The following POLD3 variants were observed in gnomAD, a reference collection of about 807,000 sequenced individuals.
The protein encoded by POLD3 is DNA polymerase delta subunit 3.
A neutral mutation model predicts 58.2 loss-of-function variants in POLD3; 19 were observed. The observed-to-expected ratio is 0.33, with a 90% CI of 0.23 to 0.48. The LOEUF is 0.48. Ranked by LOEUF, POLD3 falls within the 20% of genes least tolerant of loss-of-function variation. The probability of loss-of-function intolerance (pLI) is 0.99; values close to 1 mark genes in which losing one functional copy is unlikely to be tolerated. For missense variants in POLD3, 504 were observed against 545.5 expected (o/e 0.92, Z 0.76); for synonymous variants, 172 against 193.5 (o/e 0.89, Z 0.92).
At chr11:74,601,405 G>A (rs575854010) in intron 2 of POLD3, among the ~76,000 whole-genome samples, 180 of 152,222 alleles carry the variant, frequency 1.2e-3, no homozygotes, top group Non-Finnish European at 1.9e-3. Flanking sequence ...TAGAGGGGAT[G>A]CGTCATATGT....
In POLD3 at chr11:74,641,979, C is replaced by G. The variant is rs1456841761; in HGVS notation, c.*1213C>G. On this transcript the variant is annotated 3_prime_UTR_variant, in exon 12 of 12. Transcript: ENST00000263681. The stretch of plus-strand genomic sequence containing the variant: ...ATTATGGCTGGACAGGCGGTGAGCT[C>G]AGTGGATTGCAGTGGTGTGCTGGTG... 1 of 985,278 alleles carries G rather than the reference C, an allele frequency of 1.0e-6. No individual in the cohort carries two copies. The highest frequency in any genetic ancestry group is 1.7e-5 in the African/African-American group (1 of 57,200). 61.0% of individuals were successfully genotyped at this position (985,278 alleles called of 1,614,324 possible). A position where few individuals can be genotyped will look rare whatever the true frequency, so the allele number is the denominator to read the frequency against.
downstream of POLD3, among the ~76,000 whole-genome samples, chr11:74,643,219 T>C (rs1033160654): frequency 6.6e-6 from 1 of 152,230 alleles, no homozygotes; most frequent in Non-Finnish European, 1.5e-5. Flanking sequence ...ACCCAGGTGG[T>C]ATATTCTTCA....
At position 74,620,007 on chromosome 11, in the gene POLD3, G is replaced by C; in HGVS notation, c.661-10G>C. The stretch of plus-strand genomic sequence containing the variant: ...CAGCAAAAAATCATATGTGTTTTCT[G>C]TGCTTGTAGGCATCTGCAGCAGGCA... On this transcript the variant is annotated splice_polypyrimidine_tract_variant and intron_variant, in intron 6 of 11. Transcript: ENST00000263681. 6.2e-7 allele frequency: 1 copy of C among 1,611,868 alleles called. No homozygotes were observed. The highest frequency in any genetic ancestry group is 8.5e-7 in the Non-Finnish European group (1 of 1,177,948).
intron 4 of POLD3, among the ~76,000 whole-genome samples, chr11:74,664,762 C>G (rs144331387): frequency 6.6e-6 from 1 of 152,216 alleles, no homozygotes; most frequent in East Asian, 1.9e-4. Context: ...TATAATAAAC[C>G]TTATCAATAG....
intron 7 of POLD3, 45 bp from the exon 8 acceptor site, chr11:74,625,363 A>G (rs2032393290): frequency 1.4e-6 from 2 of 1,465,912 alleles, no homozygotes; most frequent in Admixed American, 2.0e-5. Flanking sequence ...ATGTATTAAT[A>G]TTGCATGATG....
intron 3 of POLD3, among the ~76,000 whole-genome samples, chr11:74,608,065 G>A (rs1207298598): frequency 1.3e-5 from 2 of 152,132 alleles, no homozygotes; most frequent in Non-Finnish European, 2.9e-5. Context: ...TTTGTAATGT[G>A]AAGAACTGTC....
At position 74,642,198 on chromosome 11, in the gene POLD3, A is replaced by C. The variant is rs1361579016; in HGVS notation, c.*1432A>C. On this transcript the variant is annotated 3_prime_UTR_variant, in exon 12 of 12. Transcript: ENST00000263681. ...ATTAACATGAGCTTCTTTAGCAACC[A>C]AGCATGAACTTGATTAAGACCAGAA... 1.0e-6 allele frequency: 1 copy of C among 985,364 alleles called. No individual in the cohort carries two copies. Among genetic ancestry groups the C allele is most frequent in the African/African-American group, 1.7e-5 (1 of 57,248 alleles). 61.0% of individuals were successfully genotyped at this position (985,364 alleles called of 1,614,324 possible).
chr11:74,631,761 C>T lies in POLD3; in HGVS notation c.1006+2438C>T, dbSNP rs543989197. Reference sequence around the variant, plus strand: ...CCTCTCAAAGTGCTGGAATTACAGGCGTGAGCCACTGCGCCCGTCCTGTTT... The same window carrying T: ...CCTCTCAAAGTGCTGGAATTACAGGTGTGAGCCACTGCGCCCGTCCTGTTT... On this transcript the variant is annotated intron_variant, in intron 9 of 11. Transcript: ENST00000263681. Among the ~76,000 whole-genome samples, 9 of 152,198 alleles carry T rather than the reference C, an allele frequency of 5.9e-5. No individual in the cohort carries two copies. The South Asian group carries it at 6.2e-4, about 11-fold the overall frequency.
intron 10 of POLD3, among the ~76,000 whole-genome samples, chr11:74,635,603 C>G (rs2032725673): frequency 6.6e-6 from 1 of 152,122 alleles, no homozygotes; most frequent in Non-Finnish European, 1.5e-5. Flanking sequence ...TCATTTGAGC[C>G]CAGGAGTTGG....
chr11:74,642,547 G>A lies in POLD3; in HGVS notation c.*1781G>A, dbSNP rs2032940582. ...TTTGAATTGGAAAATTCTGGTGTTGGTTGGAGTTCCATCTTGCAAGGGATA... is the reference window on the plus strand; with the variant it reads ...TTTGAATTGGAAAATTCTGGTGTTGATTGGAGTTCCATCTTGCAAGGGATA... On this transcript the variant is annotated 3_prime_UTR_variant, in exon 12 of 12. Coordinates refer to ENST00000263681, the MANE Select transcript of POLD3 (RefSeq NM_006591.3). The A allele has an allele frequency of 1.0e-6, 1 of 985,136 alleles. No homozygotes were observed. Among genetic ancestry groups the A allele is most frequent in the African/African-American group, 1.7e-5 (1 of 57,216 alleles). The allele number at this position is 985,136 out of a possible 1,614,324, so 61.0% of individuals were successfully genotyped here.
intron 2 of POLD3, among the ~76,000 whole-genome samples, chr11:74,594,352 T>C (rs930294308): frequency 1.3e-5 from 2 of 152,244 alleles, no homozygotes; most frequent in African/African-American, 4.8e-5. Context: ...CCAGTCATAC[T>C]GAATTACGAA....
At chr11:74,599,396 C>T (rs1024475399) in intron 2 of POLD3, among the ~76,000 whole-genome samples, 3 of 144,724 alleles carry the variant, frequency 2.1e-5, no homozygotes, top group African/African-American at 7.7e-5. Flanking sequence ...GACGGAGTCT[C>T]GCTCTGTTGC....
chr11:74,643,076 AGTCAAGTGTAT>A (rs2032955874), downstream of POLD3: 1 of 282,500 alleles, frequency 3.5e-6, no homozygotes, highest in Non-Finnish European at 5.3e-6. Flanking sequence ...TCAAGACTAA[AGTCAAGTGTAT>A]GTAGCATGAA....
At chr11:74,658,276 C>T (rs2033161796) in intron 4 of POLD3, among the ~76,000 whole-genome samples, 1 of 152,114 alleles carries the variant, frequency 6.6e-6, no homozygotes, top group Admixed American at 6.5e-5. Flanking sequence ...AAAAATAGCA[C>T]AGGAAAGACT....
chr11:74,605,055 CT>C (rs2031630209), intron 3 of POLD3, among the ~76,000 whole-genome samples: 2 of 152,170 alleles, frequency 1.3e-5, no homozygotes, highest in Non-Finnish European at 2.9e-5. Context: ...CCCTATATCT[CT>C]TTTTTTCCTC....
Position 74,618,697 on chromosome 11 carries a change from G to A in POLD3, c.553G>A (p.Val185Ile), listed in dbSNP as rs779963582. 7 of 1,614,166 alleles carry A rather than the reference G, an allele frequency of 4.3e-6. No homozygotes were observed. Among genetic ancestry groups the A allele is most frequent in the South Asian group, 1.1e-5 (1 of 91,086 alleles). ...TCATGGCCCACCTGCATCCAAGCAGGTTTCCCAGCAGCCCAAAGGAATTAT... is the reference window on the plus strand; with the variant it reads ...TCATGGCCCACCTGCATCCAAGCAGATTTCCCAGCAGCCCAAAGGAATTAT... ...NGHGPPASKQ[V>I]SQQPKGIMGM... Residue 185 changes from valine to isoleucine, a missense_variant, in exon 6 of 12, where the codon GTT becomes ATT. By Grantham distance (29) the Val-to-Ile change is conservative. This residue lies in a region of POLD3 where 385 missense variants were observed against 370.5 expected (regional missense o/e 1.04). Transcript: ENST00000263681.
At position 74,642,981 on chromosome 11, in the gene POLD3, T is replaced by C; in HGVS notation, c.*2215T>C. The C allele has an allele frequency of 3.1e-6, 3 of 970,690 alleles. No individual in the cohort carries two copies. Among genetic ancestry groups the C allele is most frequent in the Non-Finnish European group, 3.7e-6 (3 of 816,506 alleles). 60.1% of individuals were successfully genotyped at this position (970,690 alleles called of 1,614,324 possible). ...AGCACATTGTATTAGTTTGGCTTCA[T>C]CACTTGCTAGCTGTATGACTGTGGG... On this transcript the variant is annotated 3_prime_UTR_variant, in exon 12 of 12. Transcript: ENST00000263681.
chr11:74,665,954 G>T (rs1221902772), intron 4 of POLD3, among the ~76,000 whole-genome samples: 1 of 152,170 alleles, frequency 6.6e-6, no homozygotes, highest in Non-Finnish European at 1.5e-5. Flanking sequence ...AAAGGAAGAA[G>T]TACAACTATT....
Position 74,604,698 on chromosome 11 carries a change from G to A in POLD3, c.123G>A (p.Leu41=). The A allele has an allele frequency of 6.3e-7, 1 of 1,579,912 alleles. No homozygotes were observed. Among genetic ancestry groups the A allele is most frequent in the Non-Finnish European group, 8.7e-7 (1 of 1,148,778 alleles). The part of the protein sequence containing the change: ...GVHVNQAKQM[L]YDYVERKRKE... ...CTTCTTTTCTTTGGAATAGGATGCT[G>A]TATGATTATGTTGAAAGGAAACGAA... Residue 41 remains leucine, a synonymous_variant, in exon 3 of 12, where the codon CTG becomes CTA. Transcript: ENST00000263681.
Sources: allele counts gnomAD v4.1 joint callset (sites outside exome capture counted in the v4.1 genomes callset), GRCh38; gene constraint gnomAD v4.1.1; regional missense constraint gnomAD v4.1.1; transcripts MANE v1.5; gene names NCBI Gene and HGNC (gene_info 2026-07-23, HGNC 2026-07-21).